The following KIAA0825 variants were observed in gnomAD, a reference collection of about 807,000 sequenced individuals.
KIAA0825 encodes KIAA0825, also known as uncharacterized protein KIAA0825.
KIAA0825 carries 119 observed loss-of-function variants against 147.6 expected under a neutral mutation model. That is an observed-to-expected ratio of 0.81 (90% CI 0.69 to 0.94). The LOEUF (loss-of-function observed/expected upper bound fraction) is 0.94, where lower values mean the gene tolerates loss of function less well. Ranked by LOEUF, KIAA0825 falls within the 40% of genes least tolerant of loss-of-function variation. The pLI is 0.00. For synonymous variants in KIAA0825, 470 were observed against 518.1 expected (o/e 0.91, Z 1.26); for missense variants, 1,381 against 1,472.7 (o/e 0.94, Z 1.02).
intron 2 of KIAA0825, among the ~76,000 whole-genome samples, chr5:94,578,392 G>T (rs1943174856): frequency 1.3e-5 from 2 of 152,164 alleles, no homozygotes; most frequent in African/African-American, 4.8e-5. Flanking sequence ...TAGGAGGTGA[G>T]ATTCAAAACC....
rs73141204 is a variant in KIAA0825 at position 94,340,354 on chromosome 5, G to T, written c.3710+44014C>A. Among the ~76,000 whole-genome samples, 1,484 of 152,008 alleles carry T rather than the reference G, an allele frequency of 9.8e-3. 29 individuals are homozygous for T. The highest frequency in any genetic ancestry group is 0.034 in the African/African-American group (1,399 of 41,482). On this transcript the variant is annotated intron_variant, in intron 20 of 20. Transcript: ENST00000682413. ...TACAGACACAAACCATCCATTTTTTGGGGGGGAATATTTTCAATCTGAGGT... is the reference window on the plus strand; with the variant it reads ...TACAGACACAAACCATCCATTTTTTTGGGGGGAATATTTTCAATCTGAGGT...
intron 20 of KIAA0825, among the ~76,000 whole-genome samples, chr5:94,191,689 A>G (rs1206425689): frequency 6.6e-6 from 1 of 152,190 alleles, no homozygotes; most frequent in Non-Finnish European, 1.5e-5. Context: ...TCTATGATTA[A>G]GTTTCTCCAA....
intron 12 of KIAA0825, among the ~76,000 whole-genome samples, chr5:94,457,691 T>A (rs1467183346): frequency 6.6e-6 from 1 of 152,226 alleles, no homozygotes; most frequent in Non-Finnish European, 1.5e-5. Context: ...TGTAGCCAGA[T>A]GCTGAAAGGA....
intron 20 of KIAA0825, among the ~76,000 whole-genome samples, chr5:94,163,422 T>C (rs905447108): frequency 1.3e-5 from 2 of 152,196 alleles, no homozygotes; most frequent in African/African-American, 4.8e-5. Flanking sequence ...CTTTTTTCTT[T>C]AGTATGTAAC....
intron 20 of KIAA0825, among the ~76,000 whole-genome samples, chr5:94,236,676 C>A (rs1207955632): frequency 6.6e-6 from 1 of 152,278 alleles, no homozygotes; most frequent in East Asian, 1.9e-4. Context: ...TTTGATGTGA[C>A]AAACTTCATT....
chr5:94,490,128 A>T (rs1763560498), intron 5 of KIAA0825, among the ~76,000 whole-genome samples: 1 of 152,214 alleles, frequency 6.6e-6, no homozygotes, highest in African/African-American at 2.4e-5. Context: ...GAAGTTCCTT[A>T]GACACAGTCA....
intron 20 of KIAA0825, among the ~76,000 whole-genome samples, chr5:94,204,782 G>GTTA (rs1772003161): frequency 6.6e-6 from 1 of 152,154 alleles, no homozygotes. Context: ...ACAGGGGGCA[G>GTTA]TTAATCATCA....
At chr5:94,541,556 G>A (rs1267363498) in intron 2 of KIAA0825, among the ~76,000 whole-genome samples, 1 of 152,226 alleles carries the variant, frequency 6.6e-6, no homozygotes, top group Non-Finnish European at 1.5e-5. Flanking sequence ...AATTCTGTGT[G>A]TGAACATGTT....
At chr5:94,595,189 C>T (rs991676808) in intron 1 of KIAA0825, among the ~76,000 whole-genome samples, 5 of 152,234 alleles carry the variant, frequency 3.3e-5, no homozygotes, top group Non-Finnish European at 7.3e-5. Flanking sequence ...TCCACATTTC[C>T]CTTCTGCACT....
At chr5:94,528,347 T>C (rs1434582411) in intron 3 of KIAA0825, among the ~76,000 whole-genome samples, 1 of 152,144 alleles carries the variant, frequency 6.6e-6, no homozygotes, top group African/African-American at 2.4e-5. Flanking sequence ...AACTTTAGAG[T>C]TAGGGTCCTC....
At chr5:94,426,435 C>A (rs6870598) in intron 14 of KIAA0825, among the ~76,000 whole-genome samples, 2 of 151,986 alleles carry the variant, frequency 1.3e-5, no homozygotes, top group African/African-American at 4.8e-5. Context: ...CATTATTTTA[C>A]GTGAAATAAG....
intron 10 of KIAA0825, among the ~76,000 whole-genome samples, chr5:94,466,090 T>A (rs1323983334): frequency 6.6e-6 from 1 of 152,128 alleles, no homozygotes; most frequent in African/African-American, 2.4e-5. Context: ...AAATTTCTGC[T>A]TTGTCTACTA....
intron 14 of KIAA0825, among the ~76,000 whole-genome samples, chr5:94,418,208 T>A (rs1753717475): frequency 6.6e-6 from 1 of 152,140 alleles, no homozygotes; most frequent in East Asian, 1.9e-4. Flanking sequence ...ATAAATAGAT[T>A]TCTTTATTCT....
In KIAA0825 at chr5:94,200,101, G is replaced by T. The variant is rs1583828243; in HGVS notation, c.3711-45977C>A. Among the ~76,000 whole-genome samples, 9 of 152,288 alleles carry T rather than the reference G, an allele frequency of 5.9e-5. No individual in the cohort carries two copies. The East Asian group carries it at 1.7e-3, about 29-fold the overall frequency. On this transcript the variant is annotated intron_variant, in intron 20 of 20. Coordinates refer to ENST00000682413, the MANE Select transcript of KIAA0825 (RefSeq NM_001145678.3). ...TGGGCACCCACGGCCATGTTCCACTGCAGCTGTCCCCACGCCAAACCTTGT... is the reference window on the plus strand; with the variant it reads ...TGGGCACCCACGGCCATGTTCCACTTCAGCTGTCCCCACGCCAAACCTTGT...
Position 94,417,505 on chromosome 5 carries a change from A to G in KIAA0825, c.2498-140T>C, listed in dbSNP as rs984438028. 11 of 637,538 alleles carry G rather than the reference A, an allele frequency of 1.7e-5. No individual in the cohort carries two copies. In the African/African-American group the frequency reaches 2.0e-4, roughly 12 times the overall value. The allele number at this position is 637,538 out of a possible 1,614,324, so 39.5% of individuals were successfully genotyped here. A position where few individuals can be genotyped will look rare whatever the true frequency, so the allele number is the denominator to read the frequency against. ...ATTTACATAAAAAGAGAATTACCAGATTATTTCAAAACAATGGTCCATCCA... is the reference window on the plus strand; with the variant it reads ...ATTTACATAAAAAGAGAATTACCAGGTTATTTCAAAACAATGGTCCATCCA... On this transcript the variant is annotated intron_variant, in intron 14 of 20. Coordinates refer to ENST00000682413, the MANE Select transcript of KIAA0825 (RefSeq NM_001145678.3).
At chr5:94,327,576 C>T (rs1212676872) in intron 20 of KIAA0825, among the ~76,000 whole-genome samples, 1 of 152,172 alleles carries the variant, frequency 6.6e-6, no homozygotes, top group Non-Finnish European at 1.5e-5. Flanking sequence ...TAAAGTGGCA[C>T]ACTTGACAAC....
chr5:94,577,442 G>A (rs530139186), intron 2 of KIAA0825, among the ~76,000 whole-genome samples: 30 of 152,246 alleles, frequency 2.0e-4, no homozygotes, highest in Non-Finnish European at 3.5e-4. Flanking sequence ...AGGGTATTTC[G>A]AAGTGTAGTC....
chr5:94,219,810 G>A (rs1302530299), intron 20 of KIAA0825, among the ~76,000 whole-genome samples: 2 of 152,178 alleles, frequency 1.3e-5, no homozygotes, highest in African/African-American at 4.8e-5. Flanking sequence ...AATAGGGCTT[G>A]CAGGACTAGA....
Position 94,564,989 on chromosome 5 carries a change from T to C in KIAA0825, c.-2+17444A>G, listed in dbSNP as rs1428972974. Among the ~76,000 whole-genome samples, 6 of 139,690 alleles carry C rather than the reference T, an allele frequency of 4.3e-5. No homozygotes were observed. In the South Asian group the frequency reaches 9.9e-4, roughly 23 times the overall value. The allele number at this position is 139,690 out of a possible 152,430, so 91.6% of individuals were successfully genotyped here. A position where few individuals can be genotyped will look rare whatever the true frequency, so the allele number is the denominator to read the frequency against. On this transcript the variant is annotated intron_variant, in intron 2 of 20. Coordinates refer to ENST00000682413, the MANE Select transcript of KIAA0825 (RefSeq NM_001145678.3). ...TTTCTTTTTCTTCTCTTCTCTTCTC[T>C]TCTCCTCTCTCTCTCTCTCCCTCTC...
Sources: allele counts gnomAD v4.1 joint callset (sites outside exome capture counted in the v4.1 genomes callset), GRCh38; gene constraint gnomAD v4.1.1; transcripts MANE v1.5; gene names NCBI Gene and HGNC (gene_info 2026-07-23, HGNC 2026-07-21).